STEAP1B: variants seen among roughly 807,000 people sequenced by gnomAD.
The protein encoded by STEAP1B is STEAP family protein MGC87042.
STEAP1B carries 13 observed loss-of-function variants against 27.9 expected under a neutral mutation model. That is an observed-to-expected ratio of 0.47 (90% CI 0.30 to 0.74). The LOEUF is 0.74. STEAP1B is among the 30% of genes least tolerant of loss of function. STEAP1B has a pLI of 0.06. For synonymous variants in STEAP1B, 86 were observed against 107.1 expected, an observed-to-expected ratio of 0.80 and a Z score of 1.22; for missense variants, 250 against 298.7, an observed-to-expected ratio of 0.84 and a Z score of 1.20.
intron 4 of STEAP1B, among the ~76,000 whole-genome samples, chr7:22,449,073 A>C (rs1785448113): frequency 6.6e-6 from 1 of 152,138 alleles, no homozygotes; most frequent in African/African-American, 2.4e-5. Flanking sequence ...TAGGTATGCA[A>C]CATGTGATAA....
chr7:22,451,597 G>A (rs1046672859), intron 4 of STEAP1B, among the ~76,000 whole-genome samples: 5 of 152,070 alleles, frequency 3.3e-5, no homozygotes, highest in Non-Finnish European at 4.4e-5. Context: ...GACTTTTATC[G>A]TGAAGGCATG....
At chr7:22,456,951 GCT>G (rs1562573637) in intron 4 of STEAP1B, among the ~76,000 whole-genome samples, 2 of 27,042 alleles carry the variant, frequency 7.4e-5, no homozygotes, top group East Asian at 2.6e-3. Flanking sequence ...GGGATAGGCA[GCT>G]ATATATATAT....
intron 4 of STEAP1B, chr7:22,438,616 C>T: frequency 6.4e-7 from 1 of 1,552,170 alleles, no homozygotes; most frequent in African/African-American, 1.4e-5. Context: ...GTATATATAA[C>T]TCCTAGTCTT....
chr7:22,465,449 A>G (rs930378440), intron 4 of STEAP1B, among the ~76,000 whole-genome samples: 22 of 151,808 alleles, frequency 1.4e-4, no homozygotes, highest in African/African-American at 5.4e-4. Context: ...GCTTTTTCCA[A>G]TCAACACTCT....
At chr7:22,427,067 G>A (rs1785118152) in intron 4 of STEAP1B, among the ~76,000 whole-genome samples, 2 of 152,224 alleles carry the variant, frequency 1.3e-5, no homozygotes, top group South Asian at 2.1e-4. Flanking sequence ...CTGGAGCAGA[G>A]TGAACCAAAG....
chr7:22,456,972 A>ATATATTTTTTTTTTTTTTTTTTTT, intron 4 of STEAP1B, among the ~76,000 whole-genome samples: 7 of 57,076 alleles, frequency 1.2e-4, no homozygotes, highest in East Asian at 1.3e-3. Flanking sequence ...ATATATATAT[A>ATATATTTTTTTTTTTTTTTTTTTT]TTTTTTTTTT....
chr7:22,456,623 G>T (rs78567398), intron 4 of STEAP1B, among the ~76,000 whole-genome samples: 20,388 of 152,092 alleles, frequency 0.13, 1,502 homozygotes, highest in Non-Finnish European at 0.17. Flanking sequence ...GGATGTTGGT[G>T]TTGATGATAG....
At chr7:22,426,494 C>T (rs1209736627) in intron 4 of STEAP1B, among the ~76,000 whole-genome samples, 1 of 152,208 alleles carries the variant, frequency 6.6e-6, no homozygotes, top group Non-Finnish European at 1.5e-5. Flanking sequence ...CAGACACTCC[C>T]TTTCTCCACC....
chr7:22,454,631 C>G (rs545117629), intron 4 of STEAP1B, among the ~76,000 whole-genome samples: 1 of 151,916 alleles, frequency 6.6e-6, no homozygotes, highest in East Asian at 1.9e-4. Flanking sequence ...GCTGCAGTTG[C>G]TGGAGAAGCC....
chr7:22,493,334 G>A lies in STEAP1B; in HGVS notation c.587C>T (p.Ala196Val). 6.2e-7 allele frequency: 1 copy of A among 1,611,950 alleles called. No homozygotes were observed. Among genetic ancestry groups the A allele is most frequent in the Non-Finnish European group, 8.5e-7 (1 of 1,178,246 alleles). The change falls in exon 3 of 5, where the codon GCA becomes GTA. Residue 196 changes from alanine to valine, a missense_variant. Coordinates refer to ENST00000678116, the MANE Select transcript of STEAP1B (RefSeq NM_001382447.1). The stretch of plus-strand genomic sequence containing the variant: ...TCATTGTCATCTCACCTGTTGATAT[G>A]CCCAGTTTAGCAACTTGTATCTGTA... ...RSYRYKLLNW[A>V]YQQVQQNKED...
chr7:22,474,179 T>A, intron 4 of STEAP1B, among the ~76,000 whole-genome samples: 1 of 152,200 alleles, frequency 6.6e-6, no homozygotes, highest in African/African-American at 2.4e-5. Context: ...TGAATACCTA[T>A]ATATTTACAT....
chr7:22,483,814 G>A (rs56158392), intron 4 of STEAP1B, among the ~76,000 whole-genome samples: 6,741 of 152,204 alleles, frequency 0.044, 481 homozygotes, highest in African/African-American at 0.15. Context: ...GCTGGTCGGT[G>A]GAGCAGTCAG....
intron 4 of STEAP1B, among the ~76,000 whole-genome samples, chr7:22,426,787 C>A (rs967246944): frequency 6.6e-5 from 10 of 152,186 alleles, no homozygotes; most frequent in Non-Finnish European, 1.5e-5. Flanking sequence ...TATATTCCAA[C>A]AGTGGAAGAC....
chr7:22,483,491 GT>G (rs1048250609), intron 4 of STEAP1B, among the ~76,000 whole-genome samples: 12 of 152,090 alleles, frequency 7.9e-5, no homozygotes, highest in Non-Finnish European at 1.6e-4. Flanking sequence ...TTTTGGTTTT[GT>G]TTTTTTAACA....
chr7:22,431,279 T>C (rs953519890), intron 4 of STEAP1B, among the ~76,000 whole-genome samples: 1 of 152,202 alleles, frequency 6.6e-6, no homozygotes. Flanking sequence ...TCTTCATGTT[T>C]GCAAAATGGC....
intron 4 of STEAP1B, among the ~76,000 whole-genome samples, chr7:22,437,250 C>T (rs11980718): frequency 0.072 from 10,929 of 152,230 alleles, 536 homozygotes; most frequent in East Asian, 0.19. Context: ...CCACTAGTAC[C>T]TCTCCATTTC....
At chr7:22,422,264 T>C (rs1562563614) in intron 4 of STEAP1B, among the ~76,000 whole-genome samples, 1 of 152,248 alleles carries the variant, frequency 6.6e-6, no homozygotes, top group East Asian at 1.9e-4. Flanking sequence ...TTTCTGGTTC[T>C]ATTCAATCAG....
chr7:22,461,640 G>A (rs1583642606), intron 4 of STEAP1B, among the ~76,000 whole-genome samples: 2 of 152,250 alleles, frequency 1.3e-5, no homozygotes, highest in South Asian at 2.1e-4. Context: ...TCATTTTTCC[G>A]AGATGCTCAG....
chr7:22,492,319 C>CATAAAAAAAA (rs1786338817), intron 4 of STEAP1B: 1 of 54,400 alleles, frequency 1.8e-5, no homozygotes, highest in South Asian at 8.0e-4. Context: ...ACTTCATCTC[C>CATAAAAAAAA]AAAAAAAAAA....
Sources: gnomAD v4.1 joint callset for allele counts (sites outside exome capture counted in the v4.1 genomes callset) on GRCh38, gnomAD v4.1.1 for gene constraint, MANE v1.5 for transcripts, NCBI Gene and HGNC (gene_info 2026-07-23, HGNC 2026-07-21) for gene names.